KRT77: variants seen among roughly 807,000 people sequenced by gnomAD.
KRT77 encodes the protein keratin, type II cytoskeletal 1b.
In KRT77, 44 loss-of-function variants were observed where a neutral mutation model predicts 51.5. The ratio of observed to expected loss-of-function variants is 0.85; its 90% CI spans 0.67 to 1.10. The LOEUF (loss-of-function observed/expected upper bound fraction) is 1.10. KRT77 is among the 50% of genes least tolerant of loss of function. KRT77 has a pLI of 0.00. For missense variants in KRT77, 763 were observed against 743.9 expected (o/e 1.03, Z -0.30); for synonymous variants, 293 against 302.0 (o/e 0.97, Z 0.31).
intron 8 of KRT77, 56 bp downstream of exon 8, chr12:52,691,882 C>A: frequency 6.2e-7 from 1 of 1,606,302 alleles, no homozygotes; most frequent in South Asian, 1.1e-5. Context: ...CACCTCCTGG[C>A]CCTCCCTCCA....
chr12:52,696,234 C>T, intron 3 of KRT77, 136 bp downstream of exon 3: 2 of 760,392 alleles, frequency 2.6e-6, no homozygotes, highest in South Asian at 3.1e-5. Flanking sequence ...TGTAAGGGCC[C>T]CGCATTCAGG....
Position 52,692,453 on chromosome 12 carries a change from G to A in KRT77, c.1395C>T (p.Thr465=), listed in dbSNP as rs1171591327. 2 of 1,613,918 alleles carry A rather than the reference G, an allele frequency of 1.2e-6. No individual in the cohort carries two copies. The highest frequency in any genetic ancestry group is 2.7e-5 in the African/African-American group (2 of 74,860). The change falls in exon 7 of 9, where the codon ACC becomes ACT. Residue 465 remains threonine, a synonymous_variant. Transcript: ENST00000341809. ...VKLSLDVEIA[T]YRQLLEGEES... ...CCTCGCCCTCCAGCAGCTGGCGGTA[G>A]GTGGCGATCTCCACATCCAGGGACA...
intron 7 of KRT77, 129 bp downstream of exon 7, chr12:52,692,292 G>A (rs1456043936): frequency 1.1e-5 from 11 of 1,010,584 alleles, no homozygotes; most frequent in Non-Finnish European, 1.6e-5. Context: ...TAATTGGAAT[G>A]TTTCTGCTCA....
intron 5 of KRT77, 85 bp from the exon 6 acceptor site, chr12:52,692,965 C>T: frequency 2.0e-6 from 3 of 1,467,710 alleles, no homozygotes; most frequent in Non-Finnish European, 2.8e-6. Flanking sequence ...CTGCTCTCCC[C>T]TGGGAGATTC....
At position 52,692,777 on chromosome 12, in the gene KRT77, TCTG is replaced by T. The variant is rs1292872149; in HGVS notation, c.1181_1183del (p.Ala394del). ...CACCTGCTTCTTCACGTTGCTGATC[TCTG>T]CCTGCAGCCTCTGGACGGTGCGGTT... On this transcript the variant is annotated inframe_deletion, in exon 6 of 9. Transcript: ENST00000341809. 2.5e-6 allele frequency: 4 copies of T among 1,604,542 alleles called. No individual in the cohort carries two copies. The Admixed American group carries it at 6.7e-5, about 27-fold the overall frequency.
intron 1 of KRT77, among the ~76,000 whole-genome samples, chr12:52,699,009 TC>T (rs776494466): frequency 3.5e-4 from 54 of 152,148 alleles, no homozygotes; most frequent in Non-Finnish European, 6.5e-4. Flanking sequence ...CCTGGTTAGC[TC>T]CCTTTGGATT....
Position 52,703,228 on chromosome 12 carries a change from G to T in KRT77, c.207C>A (p.Ser69Arg), listed in dbSNP as rs372099333. Residue 69 changes from serine to arginine, a missense_variant, in exon 1 of 9, where the codon AGC becomes AGA. Ser to Arg is a moderately radical substitution (Grantham distance 110). Coordinates refer to ENST00000341809, the MANE Select transcript of KRT77 (RefSeq NM_175078.3). ...TCCTCCCCATTAGATTAATGGAGAT[G>T]CTTCTACTGCCACCCAGATTGTAGA... ...RSLYNLGGSR[S>R]ISINLMGRST... 54 of 1,612,758 alleles carry T rather than the reference G, an allele frequency of 3.3e-5. No individual in the cohort carries two copies. Among genetic ancestry groups the T allele is most frequent in the Admixed American group, 1.7e-5 (1 of 59,860 alleles).
In KRT77 at chr12:52,693,190, C is replaced by T. The variant is rs528664980; in HGVS notation, c.1081-310G>A. Among the ~76,000 whole-genome samples, 8 of 150,732 alleles carry T rather than the reference C, an allele frequency of 5.3e-5. No individual in the cohort carries two copies. In the South Asian group the frequency reaches 1.5e-3, roughly 28 times the overall value. ...ACCTTTTCACACATCTAAGCCTTCACGTTGGTCCTTACCCACACTGAGACC... is the reference window on the plus strand; with the variant it reads ...ACCTTTTCACACATCTAAGCCTTCATGTTGGTCCTTACCCACACTGAGACC... On this transcript the variant is annotated intron_variant, in intron 5 of 8. Transcript: ENST00000341809.
At chr12:52,694,531 T>C (rs1941762643) in intron 5 of KRT77, 95 bp downstream of exon 5, 2 of 1,201,222 alleles carry the variant, frequency 1.7e-6, no homozygotes, top group Non-Finnish European at 2.2e-6. Context: ...AAACACATTT[T>C]ACTTCAGAAA....
At position 52,692,957 on chromosome 12, in the gene KRT77, G is replaced by T. The variant is rs1452040173; in HGVS notation, c.1081-77C>A. On this transcript the variant is annotated intron_variant, in intron 5 of 8. Coordinates refer to ENST00000341809, the MANE Select transcript of KRT77 (RefSeq NM_175078.3). ...CTCCAGGAGGGAGTAGGTCTGGGCT[G>T]CTCTCCCCTGGGAGATTCCCACCCA... 2.4e-5 allele frequency: 36 copies of T among 1,512,560 alleles called. 1 individual carries two copies. In the Middle Eastern group the frequency reaches 5.3e-4, roughly 22 times the overall value. The allele number at this position is 1,512,560 out of a possible 1,614,324, so 93.7% of individuals were successfully genotyped here.
Position 52,702,352 on chromosome 12 carries a change from C to T in KRT77, c.543+540G>A, listed in dbSNP as rs141664365. Reference sequence around the variant, plus strand: ...TGTGGGCTAGATGGGTGGATGGATGCATGAGTGGATAGTTGAATGGATTGA... The same window carrying T: ...TGTGGGCTAGATGGGTGGATGGATGTATGAGTGGATAGTTGAATGGATTGA... On this transcript the variant is annotated intron_variant, in intron 1 of 8. Coordinates refer to ENST00000341809, the MANE Select transcript of KRT77 (RefSeq NM_175078.3). Among the ~76,000 whole-genome samples, 5 of 152,040 alleles carry T rather than the reference C, an allele frequency of 3.3e-5. No individual in the cohort carries two copies. The East Asian group carries it at 9.7e-4, about 30-fold the overall frequency.
At chr12:52,700,170 G>A (rs747452936) in intron 1 of KRT77, among the ~76,000 whole-genome samples, 1 of 152,168 alleles carries the variant, frequency 6.6e-6, no homozygotes, top group Non-Finnish European at 1.5e-5. Flanking sequence ...GACCCAATTT[G>A]TCATCCGGTT....
In KRT77 at chr12:52,702,886, G is replaced by T. The variant is rs760392286; in HGVS notation, c.543+6C>A. On this transcript the variant is annotated splice_donor_region_variant and intron_variant, in intron 1 of 8. Coordinates refer to ENST00000341809, the MANE Select transcript of KRT77 (RefSeq NM_175078.3). ...CAATGACCCTCCCTGCCCCTGAGGT[G>T]CTCACCTTGTCAATGAAGGAGGCAA... The T allele has an allele frequency of 4.3e-6, 7 of 1,613,786 alleles. No homozygotes were observed. The Admixed American group carries it at 1.2e-4, about 27-fold the overall frequency.
Position 52,692,792 on chromosome 12 carries a change from T to C in KRT77, c.1169A>G (p.Gln390Arg). Residue 390 changes from glutamine (Q) to arginine (R), a missense_variant, in exon 6 of 9, where the codon CAG (glutamine) becomes CGG (arginine). By Grantham distance (43) the Gln-to-Arg change is conservative. Transcript: ENST00000341809. ...MEIAELNRTVQRLQAEISNVK... is the reference protein window; with the variant it reads ...MEIAELNRTVRRLQAEISNVK... ...GTTGCTGATCTCTGCCTGCAGCCTCTGGACGGTGCGGTTGAGCTCTGCAAT... is the reference window on the plus strand; with the variant it reads ...GTTGCTGATCTCTGCCTGCAGCCTCCGGACGGTGCGGTTGAGCTCTGCAAT... The C allele has an allele frequency of 6.2e-7, 1 of 1,604,530 alleles. No individual in the cohort carries two copies. The highest frequency in any genetic ancestry group is 1.3e-5 in the African/African-American group (1 of 74,852).
At chr12:52,702,854 C>A in intron 1 of KRT77, 38 bp downstream of exon 1, 2 of 1,605,296 alleles carry the variant, frequency 1.2e-6, no homozygotes, top group South Asian at 2.2e-5. Flanking sequence ...GTCATTTGGT[C>A]AGTGACCAAT....
chr12:52,694,485 G>A, intron 5 of KRT77, 141 bp downstream of exon 5: 1 of 730,910 alleles, frequency 1.4e-6, no homozygotes, highest in Non-Finnish European at 2.1e-6. Flanking sequence ...TGAGAGATGG[G>A]TAATCTTTAC....
chr12:52,703,171 T>G lies in KRT77; in HGVS notation c.264A>C (p.Val88=). The change falls in exon 1 of 9, where the codon GTA becomes GTC. Residue 88 remains valine, a synonymous_variant. Transcript: ENST00000341809. The part of the protein sequence containing the change: ...STSGFCQGGG[V]GGFGGGRGFG... ...AGCCTCTGCCCCCTCCAAATCCCCC[T>G]ACTCCCCCACCCTGGCAGAAACCAC... The G allele has an allele frequency of 1.4e-5, 15 of 1,079,672 alleles. No homozygotes were observed. The highest frequency in any genetic ancestry group is 1.8e-5 in the Non-Finnish European group (14 of 786,832). 66.9% of individuals were successfully genotyped at this position (1,079,672 alleles called of 1,614,324 possible).
chr12:52,692,756 T>C lies in KRT77; in HGVS notation c.1205A>G (p.Gln402Arg). 7.5e-6 allele frequency: 12 copies of C among 1,603,288 alleles called. 1 individual carries two copies. The highest frequency in any genetic ancestry group is 1.0e-5 in the Non-Finnish European group (12 of 1,171,642). Residue 402 changes from glutamine to arginine, a missense_variant and splice_region_variant, in exon 6 of 9, where the codon CAG becomes CGG. Physicochemically the swap from Gln to Arg is conservative, Grantham distance 43 (BLOSUM62 1). Coordinates refer to ENST00000341809, the MANE Select transcript of KRT77 (RefSeq NM_175078.3). The part of the protein sequence containing the change: ...LQAEISNVKK[Q>R]IEQMQSLISD... The stretch of plus-strand genomic sequence containing the variant: ...GCCCTCCCTAAGCACCCGTCCCACC[T>C]GCTTCTTCACGTTGCTGATCTCTGC...
Position 52,691,024 on chromosome 12 carries a change from C to A in KRT77, c.*141G>T. ...TTGGACTTATCCACCCTGCTTCCCC[C>A]ATTAGAGTCGAATTTATTGGCAAAA... On this transcript the variant is annotated 3_prime_UTR_variant, in exon 9 of 9. Transcript: ENST00000341809. The A allele has an allele frequency of 9.2e-6, 11 of 1,189,474 alleles. No homozygotes were observed. The South Asian group carries it at 1.4e-4, about 15-fold the overall frequency. The allele number at this position is 1,189,474 out of a possible 1,614,324, so 73.7% of individuals were successfully genotyped here. A position where few individuals can be genotyped will look rare whatever the true frequency, so the allele number is the denominator to read the frequency against.
Sources: gnomAD v4.1 joint callset for allele counts (sites outside exome capture counted in the v4.1 genomes callset) on GRCh38, gnomAD v4.1.1 for gene constraint, MANE v1.5 for transcripts, NCBI Gene and HGNC (gene_info 2026-07-23, HGNC 2026-07-21) for gene names.